Variants in SLC39A9 observed in about 807,000 individuals in gnomAD.
SLC39A9 encodes the protein solute carrier family 39 member 9.
SLC39A9 carries 14 observed loss-of-function variants against 28.4 expected under a neutral mutation model. The ratio of observed to expected loss-of-function variants is 0.49; its 90% confidence interval spans 0.33 to 0.77. SLC39A9 has a LOEUF of 0.77. Among genes scored for constraint, SLC39A9 ranks in the 30% least tolerant of loss-of-function variants. SLC39A9 has a pLI of 0.02. For missense variants in SLC39A9, 283 were observed against 381.1 expected (o/e 0.74, Z 2.14); for synonymous variants, 119 against 149.6 (o/e 0.80, Z 1.49).
At chr14:69,449,308 T>G (rs1885490344) in intron 3 of SLC39A9, among the ~76,000 whole-genome samples, 2 of 152,178 alleles carry the variant, frequency 1.3e-5, no homozygotes, top group African/African-American at 2.4e-5. Flanking sequence ...CAAGACATTT[T>G]TCTTGTGATT....
At position 69,461,697 on chromosome 14, in the gene SLC39A9, G is replaced by T; in HGVS notation, c.*3104G>T. Reference sequence around the variant, plus strand: ...CTGCCTGGTTTTTCTCTTTTTCAAGGATTAGAACTAAGAGGACACACCAGC... The same window carrying T: ...CTGCCTGGTTTTTCTCTTTTTCAAGTATTAGAACTAAGAGGACACACCAGC... On this transcript the variant is annotated 3_prime_UTR_variant, in exon 7 of 7. Transcript: ENST00000336643. 6.5e-7 allele frequency: 1 copy of T among 1,535,854 alleles called. No individual in the cohort carries two copies. Among genetic ancestry groups the T allele is most frequent in the Non-Finnish European group, 8.7e-7 (1 of 1,146,824 alleles).
At chr14:69,441,907 CTTTAAG>C (rs1308959165) in intron 2 of SLC39A9, 156 bp from the exon 3 acceptor site, 1 of 1,398,398 alleles carries the variant, frequency 7.2e-7, no homozygotes, top group Non-Finnish European at 9.2e-7. Flanking sequence ...TCATCATGAA[CTTTAAG>C]TTGAAGGAGT....
intron 3 of SLC39A9, among the ~76,000 whole-genome samples, chr14:69,443,845 G>A (rs908818273): frequency 3.3e-5 from 5 of 151,894 alleles, no homozygotes; most frequent in African/African-American, 1.2e-4. Context: ...CTCCAGCCTG[G>A]GTGACAAAGT....
At chr14:69,424,281 C>G (rs1162714908) in intron 2 of SLC39A9, 79 bp downstream of exon 2, 26 of 1,039,200 alleles carry the variant, frequency 2.5e-5, no homozygotes, top group Non-Finnish European at 3.8e-5. Flanking sequence ...GGTATGTTTT[C>G]TGAGCACAGT....
chr14:69,453,383 A>G, intron 4 of SLC39A9, 74 bp downstream of exon 4: 1 of 1,413,846 alleles, frequency 7.1e-7, no homozygotes, highest in Non-Finnish European at 1.0e-6. Context: ...TATTTCAGGG[A>G]CCGTCCTCAT....
At chr14:69,427,179 T>A (rs999093010) in intron 2 of SLC39A9, among the ~76,000 whole-genome samples, 1 of 151,902 alleles carries the variant, frequency 6.6e-6, no homozygotes, top group Non-Finnish European at 1.5e-5. Context: ...ATTTTCAGAT[T>A]TTTTTATGGA....
intron 6 of SLC39A9, among the ~76,000 whole-genome samples, chr14:69,457,620 A>G (rs931401824): frequency 3.9e-5 from 6 of 152,250 alleles, no homozygotes; most frequent in Non-Finnish European, 8.8e-5. Context: ...TTAGTAGAAT[A>G]AATAAATTTA....
chr14:69,461,289 T>C lies in SLC39A9; in HGVS notation c.*2696T>C. On this transcript the variant is annotated 3_prime_UTR_variant, in exon 7 of 7. Transcript: ENST00000336643. Reference sequence around the variant, plus strand: ...CCAAGTGCTCTCTTAAATGGCAAATTAAGTTAAAGAATACTACTGCTCCAT... The same window carrying C: ...CCAAGTGCTCTCTTAAATGGCAAATCAAGTTAAAGAATACTACTGCTCCAT... 1.0e-6 allele frequency: 1 copy of C among 997,598 alleles called. No homozygotes were observed. Among genetic ancestry groups the C allele is most frequent in the Non-Finnish European group, 1.2e-6 (1 of 837,918 alleles). 61.8% of individuals were successfully genotyped at this position (997,598 alleles called of 1,614,324 possible). A position where few individuals can be genotyped will look rare whatever the true frequency, so the allele number is the denominator to read the frequency against.
At chr14:69,425,626 A>T (rs2140276613) in intron 2 of SLC39A9, among the ~76,000 whole-genome samples, 1 of 151,710 alleles carries the variant, frequency 6.6e-6, no homozygotes, top group Non-Finnish European at 1.5e-5. Flanking sequence ...GATATAATTT[A>T]CATACCCTGT....
intron 2 of SLC39A9, among the ~76,000 whole-genome samples, chr14:69,424,544 A>G (rs760700417): frequency 6.6e-6 from 1 of 152,074 alleles, no homozygotes; most frequent in Non-Finnish European, 1.5e-5. Flanking sequence ...ATATATAGAT[A>G]TAAATATTTA....
rs1245290616 is a variant in SLC39A9, at chr14:69,459,103, T to C, written c.*510T>C. 3 of 986,400 alleles carry C rather than the reference T, an allele frequency of 3.0e-6. No homozygotes were observed. Among genetic ancestry groups the C allele is most frequent in the Non-Finnish European group, 3.6e-6 (3 of 830,382 alleles). The allele number at this position is 986,400 out of a possible 1,614,324, so 61.1% of individuals were successfully genotyped here. A position where few individuals can be genotyped will look rare whatever the true frequency, so the allele number is the denominator to read the frequency against. ...AGGTCATAGCACCCACTCACTTAGA[T>C]GCTAAAGGTGATTCTAGTTAATCTG... is the stretch of plus-strand genomic sequence containing the variant. On this transcript the variant is annotated 3_prime_UTR_variant, in exon 7 of 7. Transcript: ENST00000336643.
At position 69,461,767 on chromosome 14, in the gene SLC39A9, G is replaced by C; in HGVS notation, c.*3174G>C. The C allele has an allele frequency of 6.5e-7, 1 of 1,532,292 alleles. No homozygotes were observed. The highest frequency in any genetic ancestry group is 8.7e-7 in the Non-Finnish European group (1 of 1,144,464). 94.9% of individuals were successfully genotyped at this position (1,532,292 alleles called of 1,614,324 possible). A position where few individuals can be genotyped will look rare whatever the true frequency, so the allele number is the denominator to read the frequency against. On this transcript the variant is annotated 3_prime_UTR_variant, in exon 7 of 7. Coordinates refer to ENST00000336643, the MANE Select transcript of SLC39A9 (RefSeq NM_018375.5). ...CTGAAACACATGGTAGCTAGGGACT[G>C]AACACAGGAACCGTATGACAGCAGC...
chr14:69,456,520 A>G (rs1366458499), intron 6 of SLC39A9, among the ~76,000 whole-genome samples: 1 of 152,128 alleles, frequency 6.6e-6, no homozygotes, highest in Non-Finnish European at 1.5e-5. Context: ...TAGTAACTGT[A>G]CAGTTCTTTC....
intron 3 of SLC39A9, among the ~76,000 whole-genome samples, chr14:69,446,936 A>G (rs930790392): frequency 7.5e-6 from 1 of 132,850 alleles, no homozygotes; most frequent in Non-Finnish European, 1.7e-5. Flanking sequence ...TGTGATATAT[A>G]TATATATATA....
At chr14:69,427,026 TCAGA>T (rs1884233170) in intron 2 of SLC39A9, among the ~76,000 whole-genome samples, 1 of 141,128 alleles carries the variant, frequency 7.1e-6, no homozygotes, top group Non-Finnish European at 1.5e-5. Context: ...TTTTTTTTTT[TCAGA>T]CAGGGACTCA....
In SLC39A9 at chr14:69,425,430, GA is replaced by G. The variant is rs61574860; in HGVS notation, c.205+1232del. Reference sequence around the variant, plus strand: ...TTGTTTTCTAAAGTTGTCTGATAATGAAAATTCCTTGAGGAAGAGGCACATT... The same window carrying G: ...TTGTTTTCTAAAGTTGTCTGATAATGAAATTCCTTGAGGAAGAGGCACATT... On this transcript the variant is annotated intron_variant, in intron 2 of 6. Coordinates refer to ENST00000336643, the MANE Select transcript of SLC39A9 (RefSeq NM_018375.5). Among the ~76,000 whole-genome samples the G allele has an allele frequency of 5.6e-3, 855 of 152,230 alleles. 7 individuals carry two copies. The highest frequency in any genetic ancestry group is 0.02 in the African/African-American group (812 of 41,542).
At chr14:69,444,142 C>G (rs1278692715) in intron 3 of SLC39A9, among the ~76,000 whole-genome samples, 1 of 152,128 alleles carries the variant, frequency 6.6e-6, no homozygotes, top group Admixed American at 6.6e-5. Context: ...GCCACGATCA[C>G]ACCACTGCAC....
At chr14:69,442,340 C>T (rs1446588173) in intron 3 of SLC39A9, 74 bp downstream of exon 3, 4 of 1,374,178 alleles carry the variant, frequency 2.9e-6, no homozygotes, top group Non-Finnish European at 4.1e-6. Context: ...TCAAATATTT[C>T]AGTCTGTATC....
At chr14:69,457,520 G>A (rs1885927373) in intron 6 of SLC39A9, among the ~76,000 whole-genome samples, 1 of 152,114 alleles carries the variant, frequency 6.6e-6, no homozygotes, top group Non-Finnish European at 1.5e-5. Context: ...ATATTTCTAG[G>A]CTCTATGAGG....
Sources: allele counts gnomAD v4.1 joint callset (sites outside exome capture counted in the v4.1 genomes callset), GRCh38; gene constraint gnomAD v4.1.1; transcripts MANE v1.5; gene names NCBI Gene and HGNC (gene_info 2026-07-23, HGNC 2026-07-21).